Variants in PUDP observed in about 807,000 individuals in gnomAD.
The protein encoded by PUDP is pseudouridine 5'-phosphatase.
In PUDP, 8 loss-of-function variants were observed where a neutral mutation model predicts 9.4. That is an observed-to-expected ratio of 0.85 (90% CI 0.50 to 1.53). PUDP has a LOEUF of 1.53. Ranked by LOEUF, PUDP falls within the 40% of genes most tolerant of loss-of-function variation. The pLI, the probability that PUDP is intolerant of heterozygous loss-of-function variation, is 0.00. For synonymous variants in PUDP, 99 were observed against 80.7 expected (o/e 1.23, Z -1.22); for missense variants, 188 against 189.7 (o/e 0.99, Z 0.05).
intron 3 of PUDP, among the ~76,000 whole-genome samples, chrX:6,911,005 G>A (rs994456902): frequency 1.8e-5 from 2 of 111,699 alleles, no homozygotes; most frequent in Non-Finnish European, 1.9e-5. Context: ...CATTCAGTTC[G>A]CTTAACAGAG....
chrX:6,950,169 C>T (rs751230770), intron 3 of PUDP, among the ~76,000 whole-genome samples: 1 of 107,340 alleles, frequency 9.3e-6, no homozygotes, highest in South Asian at 4.3e-4. Context: ...GAAACCCTGT[C>T]TCTACTAAAA....
chrX:7,098,124 C>T (rs1931625427), intron 2 of PUDP, among the ~76,000 whole-genome samples: 1 of 112,299 alleles, frequency 8.9e-6, no homozygotes, highest in Admixed American at 9.4e-5. Flanking sequence ...CTCACTGGGC[C>T]AGGTGTAACC....
chrX:7,139,780 C>A (rs1208262025), intron 1 of PUDP, among the ~76,000 whole-genome samples: 1 of 111,981 alleles, frequency 8.9e-6, no homozygotes, highest in Non-Finnish European at 1.9e-5. Flanking sequence ...CATCATTCGG[C>A]CCAGCTCCCA....
intron 1 of PUDP, among the ~76,000 whole-genome samples, chrX:7,002,634 C>G (rs754164405): frequency 6.3e-5 from 7 of 111,151 alleles, no homozygotes; most frequent in African/African-American, 2.3e-4. Flanking sequence ...GGTGTCTGAC[C>G]TATTTCTGGG....
rs1255821507 is a variant in PUDP, at chrX:6,885,829, G to A, written c.*247+91304C>T. On this transcript the variant is annotated intron_variant and NMD_transcript_variant, in intron 3 of 3. Coordinates refer to the PUDP transcript ENST00000655425. Reference sequence around the variant, plus strand: ...TAACTATACATCAGGTATAGCAGGTGTAAGGTGATATTGCAACACCAAACA... The same window carrying A: ...TAACTATACATCAGGTATAGCAGGTATAAGGTGATATTGCAACACCAAACA... Among the ~76,000 whole-genome samples, 4 of 112,607 alleles carry A rather than the reference G, an allele frequency of 3.6e-5. No homozygotes were observed. In the East Asian group the frequency reaches 8.3e-4, roughly 23 times the overall value.
chrX:7,119,630 T>C (rs1161016215), intron 1 of PUDP, among the ~76,000 whole-genome samples: 9 of 112,689 alleles, frequency 8.0e-5, no homozygotes, highest in African/African-American at 2.6e-4. Flanking sequence ...GTAAAGATAA[T>C]TGAGTGATCA....
intron 3 of PUDP, among the ~76,000 whole-genome samples, chrX:6,821,264 A>G (rs1926337838): frequency 9.0e-6 from 1 of 111,718 alleles, no homozygotes; most frequent in Non-Finnish European, 1.9e-5. Context: ...GGACTCTATA[A>G]GTGAAGACAG....
At chrX:7,002,077 T>C (rs188798266) in intron 1 of PUDP, among the ~76,000 whole-genome samples, 75 of 111,621 alleles carry the variant, frequency 6.7e-4, no homozygotes, top group African/African-American at 2.3e-3. Context: ...GCTCAGTCTC[T>C]AGACTACATT....
chrX:7,032,552 T>C (rs1260497095), intron 1 of PUDP, among the ~76,000 whole-genome samples: 11 of 112,515 alleles, frequency 9.8e-5, no homozygotes, highest in Non-Finnish European at 2.1e-4. Flanking sequence ...GGAATAACTA[T>C]TGTTACCTGC....
chrX:6,759,528 T>C (rs900047042), intron 3 of PUDP, among the ~76,000 whole-genome samples: 5 of 111,472 alleles, frequency 4.5e-5, no homozygotes, highest in African/African-American at 1.6e-4. Flanking sequence ...TAGCAGCACC[T>C]TGACCTCTAC....
intron 1 of PUDP, among the ~76,000 whole-genome samples, chrX:6,999,454 A>T (rs1284786969): frequency 8.9e-6 from 1 of 112,190 alleles, no homozygotes; most frequent in Admixed American, 9.5e-5. Flanking sequence ...GAGAAGAAAA[A>T]ATACATTCTT....
At position 7,075,485 on chromosome X, in the gene PUDP, A is replaced by G. The variant is rs558066767; in HGVS notation, c.510+1735T>C. Among the ~76,000 whole-genome samples the G allele has an allele frequency of 9.4e-5, 10 of 106,054 alleles. No individual in the cohort carries two copies. The South Asian group carries it at 4.3e-3, about 46-fold the overall frequency. The allele number at this position is 106,054 out of a possible 115,157, so 92.1% of individuals were successfully genotyped here. On this transcript the variant is annotated intron_variant, in intron 3 of 3. Transcript: ENST00000381077. ...ATGCCACTGCACTCCAACCTGGGCA[A>G]CAGAACGAGACTCCATCTCAAAACA...
chrX:6,814,845 G>A (rs761579331), intron 3 of PUDP, among the ~76,000 whole-genome samples: 1 of 111,353 alleles, frequency 9.0e-6, no homozygotes, highest in Non-Finnish European at 1.9e-5. Context: ...AAATAAAGAT[G>A]CTCCACTAGA....
intron 2 of PUDP, among the ~76,000 whole-genome samples, chrX:7,083,309 A>C (rs1434131056): frequency 8.9e-6 from 1 of 112,337 alleles, no homozygotes; most frequent in Non-Finnish European, 1.9e-5. Context: ...GGCAGAAGAC[A>C]GGAATCTGCC....
rs779600202 is a variant in PUDP at position 6,756,959 on chromosome X, G to A, written c.*248-50493C>T. 8.6e-4 allele frequency among the ~76,000 whole-genome samples: 96 copies of A among 112,198 alleles called. 1 individual carries two copies. Among genetic ancestry groups the A allele is most frequent in the Non-Finnish European group, 1.5e-3 (82 of 53,276 alleles). On this transcript the variant is annotated intron_variant and NMD_transcript_variant, in intron 3 of 3. Transcript: ENST00000655425. ...GGAAGATTTGTAGATCACGGGATACGGACAAGGTATAGTGAGTTGCAAAAC... is the reference window on the plus strand; with the variant it reads ...GGAAGATTTGTAGATCACGGGATACAGACAAGGTATAGTGAGTTGCAAAAC...
At chrX:6,769,189 A>G (rs1455774598) in intron 3 of PUDP, among the ~76,000 whole-genome samples, 27 of 111,870 alleles carry the variant, frequency 2.4e-4, no homozygotes, top group Admixed American at 2.2e-3. Flanking sequence ...AAGATAAGCC[A>G]CTCGAGGGGC....
intron 3 of PUDP, among the ~76,000 whole-genome samples, chrX:6,874,051 AG>A (rs1927214484): frequency 9.1e-6 from 1 of 110,395 alleles, no homozygotes; most frequent in Non-Finnish European, 1.9e-5. Flanking sequence ...GCTTAAGGCC[AG>A]GAGCTCAAGG....
At chrX:6,831,858 G>A (rs1284130118) in intron 3 of PUDP, among the ~76,000 whole-genome samples, 1 of 111,635 alleles carries the variant, frequency 9.0e-6, no homozygotes, top group Non-Finnish European at 1.9e-5. Flanking sequence ...AAACAAGCAA[G>A]ACATAATCAT....
intron 3 of PUDP, among the ~76,000 whole-genome samples, chrX:6,911,560 T>C (rs778712719): frequency 1.2e-4 from 13 of 112,302 alleles, no homozygotes; most frequent in Non-Finnish European, 2.3e-4. Context: ...GGCCTTTCTT[T>C]TTTTAAATAA....
Sources: gnomAD v4.1 joint callset for allele counts (sites outside exome capture counted in the v4.1 genomes callset) on GRCh38, gnomAD v4.1.1 for gene constraint, MANE v1.5 for transcripts, NCBI Gene and HGNC (gene_info 2026-07-23, HGNC 2026-07-21) for gene names.